The following DARS2 variants were observed in gnomAD, a reference collection of about 807,000 sequenced individuals.
The protein encoded by DARS2 is aspartate--tRNA ligase, mitochondrial.
In DARS2, 63 loss-of-function variants were observed where a neutral mutation model predicts 83.0. That is an observed-to-expected ratio of 0.76 (90% CI 0.62 to 0.94). The LOEUF is 0.94. DARS2 is among the 40% of genes least tolerant of loss of function. The probability of loss-of-function intolerance (pLI) is 0.00; values close to 1 mark genes in which losing one functional copy is unlikely to be tolerated. For synonymous variants in DARS2, 250 were observed against 269.3 expected, an observed-to-expected ratio of 0.93 and a Z score of 0.70; for missense variants, 675 against 774.4, an observed-to-expected ratio of 0.87 and a Z score of 1.52.
At chr1:173,852,201 C>T in intron 13 of DARS2, 2 of 985,438 alleles carry the variant, frequency 2.0e-6, no homozygotes, top group Non-Finnish European at 2.4e-6. Flanking sequence ...CCTATCATGT[C>T]TCTAGGCATA....
chr1:173,857,046 A>G (rs775945155), intron 16 of DARS2, among the ~76,000 whole-genome samples: 20 of 152,308 alleles, frequency 1.3e-4, no homozygotes, highest in East Asian at 5.8e-4. Flanking sequence ...GCACTGCTCC[A>G]TAATGTTCAG....
At chr1:173,833,534 G>A (rs1481481275) in intron 6 of DARS2, 35 bp downstream of exon 6, 26 of 1,613,394 alleles carry the variant, frequency 1.6e-5, no homozygotes, top group Non-Finnish European at 2.2e-5. Context: ...TTGGAGCTTT[G>A]TAGCATCTCT....
chr1:173,846,980 A>T (rs1653459432), intron 12 of DARS2, among the ~76,000 whole-genome samples: 1 of 152,196 alleles, frequency 6.6e-6, no homozygotes, highest in Admixed American at 6.5e-5. Flanking sequence ...CTATAGGACT[A>T]TATTTATACT....
At chr1:173,842,519 T>G (rs1653269545) in intron 11 of DARS2, among the ~76,000 whole-genome samples, 1 of 149,864 alleles carries the variant, frequency 6.7e-6, no homozygotes, top group Non-Finnish European at 1.5e-5. Context: ...GCCAGGATGG[T>G]CTCAAACTCC....
At chr1:173,848,432 G>A (rs150509634) in intron 12 of DARS2, among the ~76,000 whole-genome samples, 64 of 152,320 alleles carry the variant, frequency 4.2e-4, no homozygotes, top group African/African-American at 1.5e-3. Flanking sequence ...TGTCTGCATT[G>A]TTCGGTGTAG....
At chr1:173,828,117 CT>C (rs929531824) in intron 2 of DARS2, among the ~76,000 whole-genome samples, 5 of 151,578 alleles carry the variant, frequency 3.3e-5, no homozygotes, top group Admixed American at 6.6e-5. Flanking sequence ...AAAAAACAAT[CT>C]TTTTTTTGGC....
chr1:173,850,579 A>G (rs1653619641), intron 13 of DARS2, 100 bp downstream of exon 13: 3 of 1,273,154 alleles, frequency 2.4e-6, no homozygotes, highest in Non-Finnish European at 3.3e-6. Flanking sequence ...CTGTTAATTC[A>G]TAAAATGGAG....
At chr1:173,854,555 G>T (rs1441775788) in intron 15 of DARS2, among the ~76,000 whole-genome samples, 1 of 152,064 alleles carries the variant, frequency 6.6e-6, no homozygotes, top group Non-Finnish European at 1.5e-5. Context: ...ATTTACTGAG[G>T]CAACTTACTT....
chr1:173,855,668 C>CT (rs999178190), intron 15 of DARS2, among the ~76,000 whole-genome samples: 12 of 149,092 alleles, frequency 8.0e-5, no homozygotes, highest in African/African-American at 1.5e-4. Flanking sequence ...GAATACATTA[C>CT]TTTTTTCTTT....
intron 11 of DARS2, among the ~76,000 whole-genome samples, chr1:173,843,290 G>A (rs375828533): frequency 1.3e-5 from 2 of 152,170 alleles, no homozygotes; most frequent in African/African-American, 4.8e-5. Flanking sequence ...GCCAAGCGTG[G>A]TGGCTCATGC....
intron 5 of DARS2, among the ~76,000 whole-genome samples, chr1:173,832,178 G>A (rs1256956260): frequency 6.6e-6 from 1 of 152,086 alleles, no homozygotes; most frequent in African/African-American, 2.4e-5. Context: ...TTTTTAAACT[G>A]ATCTATTAAC....
At position 173,828,310 on chromosome 1, in the gene DARS2, T is replaced by C. The variant is rs749876983; in HGVS notation, c.228-23T>C. Reference sequence around the variant, plus strand: ...TAGAGATTTTATCTTAAAATGTTTCTTTTCCCCCCCCCCATTAATCAGGCA... The same window carrying C: ...TAGAGATTTTATCTTAAAATGTTTCCTTTCCCCCCCCCCATTAATCAGGCA... On this transcript the variant is annotated intron_variant, in intron 2 of 16. Transcript: ENST00000649689. 9 of 1,309,258 alleles carry C rather than the reference T, an allele frequency of 6.9e-6. No individual in the cohort carries two copies. In the African/African-American group the frequency reaches 1.6e-4, roughly 24 times the overall value. The allele number at this position is 1,309,258 out of a possible 1,614,324, so 81.1% of individuals were successfully genotyped here. A position where few individuals can be genotyped will look rare whatever the true frequency, so the allele number is the denominator to read the frequency against.
At chr1:173,825,765 G>A (rs190884258) in intron 1 of DARS2, among the ~76,000 whole-genome samples, 6 of 148,160 alleles carry the variant, frequency 4.0e-5, no homozygotes, top group Admixed American at 3.4e-4. Flanking sequence ...CACCGCGCCC[G>A]GCTTTTCCCC....
chr1:173,851,684 T>C (rs1653673661), intron 13 of DARS2, among the ~76,000 whole-genome samples: 1 of 152,208 alleles, frequency 6.6e-6, no homozygotes, highest in South Asian at 2.1e-4. Flanking sequence ...CAAATATGAA[T>C]ATTAAAAATG....
chr1:173,839,369 T>G lies in DARS2; in HGVS notation c.843T>G (p.Ile281Met). The G allele has an allele frequency of 6.2e-7, 1 of 1,614,158 alleles. No individual in the cohort carries two copies. The highest frequency in any genetic ancestry group is 8.5e-7 in the Non-Finnish European group (1 of 1,179,986). ...TCCATATGGTACTTTGGTTTCAGATTGACATAGAGATGTCATTTGTAGACC... is the reference window on the plus strand; with the variant it reads ...TCCATATGGTACTTTGGTTTCAGATGGACATAGAGATGTCATTTGTAGACC... ...RPDRQPEFTQ[I>M]DIEMSFVDQT... Residue 281 changes from isoleucine (I) to methionine (M), a missense_variant and splice_region_variant, in exon 10 of 17, where the codon ATT becomes ATG. Coordinates refer to ENST00000649689, the MANE Select transcript of DARS2 (RefSeq NM_018122.5).
intron 7 of DARS2, among the ~76,000 whole-genome samples, chr1:173,836,168 C>T (rs1652997165): frequency 6.6e-6 from 1 of 151,984 alleles, no homozygotes; most frequent in Admixed American, 6.6e-5. Flanking sequence ...TGCAGTGAGT[C>T]CAGATTGTAC....
chr1:173,830,754 A>G lies in DARS2; in HGVS notation c.389A>G (p.Glu130Gly). 1 of 1,613,158 alleles carries G rather than the reference A, an allele frequency of 6.2e-7. No individual in the cohort carries two copies. ...GTVISRPAGQ[E>G]NPKMPTGEIE... Reference sequence around the variant, plus strand: ...GTCATTTCCCGTCCTGCAGGACAAGAGAATCCAGTAGGTAGTTTCGAAGAT... The same window carrying G: ...GTCATTTCCCGTCCTGCAGGACAAGGGAATCCAGTAGGTAGTTTCGAAGAT... Residue 130 changes from glutamate to glycine, a missense_variant, in exon 4 of 17, where the codon GAG (glutamate) becomes GGG (glycine). By Grantham distance (98) the Glu-to-Gly change is moderately conservative (BLOSUM62 -2). Transcript: ENST00000649689.
At chr1:173,838,068 C>A in intron 8 of DARS2, 122 bp from the exon 9 acceptor site, 4 of 804,850 alleles carry the variant, frequency 5.0e-6, no homozygotes, top group South Asian at 1.5e-5. Context: ...CCGCCATGCC[C>A]GGCCCTTCTT....
At chr1:173,832,607 A>G (rs1413346354) in intron 5 of DARS2, among the ~76,000 whole-genome samples, 1 of 151,976 alleles carries the variant, frequency 6.6e-6, no homozygotes, top group African/African-American at 2.4e-5. Context: ...CGTCTCTACT[A>G]AAAATACAAA....
Sources: allele counts gnomAD v4.1 joint callset (sites outside exome capture counted in the v4.1 genomes callset), GRCh38; gene constraint gnomAD v4.1.1; transcripts MANE v1.5; gene names NCBI Gene and HGNC (gene_info 2026-07-23, HGNC 2026-07-21).